GABRB1: variants seen among roughly 807,000 people sequenced by gnomAD.
GABRB1 encodes the protein gamma-aminobutyric acid type A receptor subunit beta1.
Under a neutral mutation model 51.6 loss-of-function variants are expected in GABRB1, and 17 were observed. The observed-to-expected ratio is 0.33, with a 90% CI of 0.23 to 0.49. The LOEUF is 0.49. Ranked by LOEUF, GABRB1 falls within the 20% of genes least tolerant of loss-of-function variation. The pLI, the probability that GABRB1 is intolerant of heterozygous loss-of-function variation, is 0.99. For missense variants in GABRB1, 410 were observed against 600.6 expected, an observed-to-expected ratio of 0.68 and a Z score of 3.32; for synonymous variants, 247 against 218.9, an observed-to-expected ratio of 1.13 and a Z score of -1.14.
intron 4 of GABRB1, among the ~76,000 whole-genome samples, chr4:47,239,672 A>G (rs1721454967): frequency 6.6e-6 from 1 of 152,236 alleles, no homozygotes; most frequent in Admixed American, 6.5e-5. Context: ...AAGTATTTAG[A>G]TTAAACAAAA....
chr4:47,147,486 C>T (rs1183967669), intron 3 of GABRB1, among the ~76,000 whole-genome samples: 1 of 152,114 alleles, frequency 6.6e-6, no homozygotes, highest in Non-Finnish European at 1.5e-5. Context: ...ACGGCAGGCC[C>T]TGCCCTCAAC....
intron 4 of GABRB1, among the ~76,000 whole-genome samples, chr4:47,250,802 G>T (rs557199594): frequency 5.3e-5 from 8 of 152,038 alleles, no homozygotes; most frequent in African/African-American, 9.7e-5. Context: ...CTGAATTTTT[G>T]AATCTTTTTT....
chr4:47,094,929 G>T (rs754272555), intron 3 of GABRB1, among the ~76,000 whole-genome samples: 2 of 152,038 alleles, frequency 1.3e-5, no homozygotes, highest in African/African-American at 4.8e-5. Flanking sequence ...AACTGGTAAA[G>T]TATACCTGCT....
intron 5 of GABRB1, among the ~76,000 whole-genome samples, chr4:47,364,299 T>A: frequency 6.6e-6 from 1 of 152,170 alleles, no homozygotes. Flanking sequence ...TCCAATTTAC[T>A]TTATGAGTAT....
chr4:47,093,189 G>A (rs1714194329), intron 3 of GABRB1, among the ~76,000 whole-genome samples: 1 of 152,156 alleles, frequency 6.6e-6, no homozygotes, highest in Admixed American at 6.5e-5. Context: ...AAGGAAATGT[G>A]TTCTAATTGA....
chr4:47,229,508 G>A (rs1578017839), intron 4 of GABRB1, among the ~76,000 whole-genome samples: 1 of 152,188 alleles, frequency 6.6e-6, no homozygotes, highest in Middle Eastern at 3.4e-3. Flanking sequence ...TGGCGTCTAT[G>A]GTCACCTGAA....
intron 4 of GABRB1, among the ~76,000 whole-genome samples, chr4:47,168,514 C>T (rs1374423527): frequency 1.3e-5 from 2 of 152,022 alleles, no homozygotes; most frequent in Non-Finnish European, 2.9e-5. Context: ...TCTCTATCTC[C>T]ATCTCCTATA....
chr4:47,092,388 G>A (rs531164861), intron 3 of GABRB1, among the ~76,000 whole-genome samples: 1 of 150,996 alleles, frequency 6.6e-6, no homozygotes, highest in South Asian at 2.1e-4. Context: ...GGCCAGGCTC[G>A]TCTCGAACCC....
At chr4:47,230,170 T>G in intron 4 of GABRB1, among the ~76,000 whole-genome samples, 1 of 152,132 alleles carries the variant, frequency 6.6e-6, no homozygotes, top group Non-Finnish European at 1.5e-5. Context: ...TCCCAAAGCT[T>G]TGAGGCTAGG....
At chr4:47,316,734 G>T (rs774681687) in intron 4 of GABRB1, among the ~76,000 whole-genome samples, 1 of 151,868 alleles carries the variant, frequency 6.6e-6, no homozygotes, top group Non-Finnish European at 1.5e-5. Context: ...GTGATTTCTT[G>T]GCACAGGGGT....
chr4:47,186,236 C>A (rs554262389), intron 4 of GABRB1, among the ~76,000 whole-genome samples: 47 of 151,626 alleles, frequency 3.1e-4, no homozygotes, highest in African/African-American at 1.1e-3. Flanking sequence ...GGGGGTAAGT[C>A]CTGATCTCTC....
chr4:47,207,599 T>G (rs142549322), intron 4 of GABRB1, among the ~76,000 whole-genome samples: 1 of 152,210 alleles, frequency 6.6e-6, no homozygotes, highest in African/African-American at 2.4e-5. Context: ...ATCTAGATAT[T>G]GCAGGTATTA....
chr4:47,032,450 T>A lies in GABRB1; in HGVS notation c.206T>A (p.Val69Asp). The change falls in exon 3 of 9, where the codon GTC becomes GAC. Residue 69 changes from valine (V) to aspartate (D), a missense_variant. Around this residue, in one of 5 missense-constraint regions of GABRB1, gnomAD observed 100 missense variants for 184.3 expected, o/e 0.54. Coordinates refer to ENST00000295454, the MANE Select transcript of GABRB1 (RefSeq NM_000812.4). ...GTCGACGTTGGGATGCGGATCGATG[T>A]CGCCAGCATAGACATGGTCTCCGAA... is the stretch of plus-strand genomic sequence containing the variant. ...PPVDVGMRID[V>D]ASIDMVSEVN... 6.2e-7 allele frequency: 1 copy of A among 1,604,052 alleles called. No homozygotes were observed. Among genetic ancestry groups the A allele is most frequent in the Non-Finnish European group, 8.5e-7 (1 of 1,173,470 alleles).
rs929807728 is a variant in GABRB1 at position 47,044,667 on chromosome 4, G to A, written c.240+12183G>A. Among the ~76,000 whole-genome samples, 7 of 151,936 alleles carry A rather than the reference G, an allele frequency of 4.6e-5. No homozygotes were observed. The South Asian group carries it at 1.0e-3, about 22-fold the overall frequency. ...TTTTTATTTCATATTTATCTCTCAG[G>A]CTTATAATGAATTTCTCCCTCTTTA... On this transcript the variant is annotated intron_variant, in intron 3 of 8. Coordinates refer to ENST00000295454, the MANE Select transcript of GABRB1 (RefSeq NM_000812.4).
intron 3 of GABRB1, among the ~76,000 whole-genome samples, chr4:47,146,210 G>C (rs1161157064): frequency 3.3e-5 from 5 of 151,936 alleles, no homozygotes; most frequent in Non-Finnish European, 7.4e-5. Flanking sequence ...AATTTGCTGA[G>C]CCAGAAGTAA....
rs139622491 is a variant in GABRB1 at position 47,050,986 on chromosome 4, T to C, written c.240+18502T>C. 4.9e-3 allele frequency among the ~76,000 whole-genome samples: 744 copies of C among 152,212 alleles called. 5 individuals are homozygous for C. The highest frequency in any genetic ancestry group is 0.01 in the Middle Eastern group (3 of 294). On this transcript the variant is annotated intron_variant, in intron 3 of 8. Coordinates refer to ENST00000295454, the MANE Select transcript of GABRB1 (RefSeq NM_000812.4). ...ACCCTGGGTTCTGGCTCGGGTTTTG[T>C]GTGTGCCCTCTCTGTTAATTTTCTT...
At chr4:47,031,392 C>A, upstream of GABRB1, 1 of 526,254 alleles carries the variant, frequency 1.9e-6, no homozygotes, top group Admixed American at 3.4e-5. Flanking sequence ...TACACATGCT[C>A]GTAGGATCCC....
chr4:47,326,487 C>A (rs1165666317), intron 5 of GABRB1, among the ~76,000 whole-genome samples: 1 of 151,960 alleles, frequency 6.6e-6, no homozygotes, highest in Non-Finnish European at 1.5e-5. Context: ...TCATACTGTG[C>A]CTAATTTACA....
At chr4:47,293,148 T>C (rs1192976362) in intron 4 of GABRB1, among the ~76,000 whole-genome samples, 1 of 152,182 alleles carries the variant, frequency 6.6e-6, no homozygotes, top group African/African-American at 2.4e-5. Context: ...TTTCTTGGTT[T>C]GTTTGTTTTT....
Sources: gnomAD v4.1 joint callset for allele counts (sites outside exome capture counted in the v4.1 genomes callset) on GRCh38, gnomAD v4.1.1 for gene constraint, gnomAD v4.1.1 regional missense constraint, MANE v1.5 for transcripts, NCBI Gene and HGNC (gene_info 2026-07-23, HGNC 2026-07-21) for gene names.